THSD7A: variants seen among roughly 807,000 people sequenced by gnomAD.
THSD7A encodes thrombospondin type 1 domain containing 7A, also known as thrombospondin type-1 domain-containing protein 7A.
A neutral mutation model predicts 231.3 loss-of-function variants in THSD7A; 96 were observed. The ratio of observed to expected loss-of-function variants is 0.41; its 90% CI spans 0.35 to 0.49. The LOEUF (loss-of-function observed/expected upper bound fraction) is 0.49. Ranked by LOEUF, THSD7A falls within the 20% of genes least tolerant of loss-of-function variation. THSD7A has a pLI of 0.05. For missense variants in THSD7A, 2,290 were observed against 2,070.2 expected, an observed-to-expected ratio of 1.11 and a Z score of -2.06; for synonymous variants, 940 against 743.3, an observed-to-expected ratio of 1.26 and a Z score of -4.30.
chr7:11,579,792 T>A (rs1370125099), intron 4 of THSD7A, among the ~76,000 whole-genome samples: 1 of 152,188 alleles, frequency 6.6e-6, no homozygotes, highest in African/African-American at 2.4e-5. Flanking sequence ...ATAGTGACTT[T>A]TTCTAGTCAT....
At chr7:11,698,045 C>G (rs1780455401) in intron 1 of THSD7A, among the ~76,000 whole-genome samples, 1 of 151,336 alleles carries the variant, frequency 6.6e-6, no homozygotes, top group Non-Finnish European at 1.5e-5. Flanking sequence ...ATTATATTAG[C>G]CTTCTATAGA....
At chr7:11,812,777 T>C (rs748843496) in intron 1 of THSD7A, among the ~76,000 whole-genome samples, 76 of 152,202 alleles carry the variant, frequency 5.0e-4, no homozygotes, top group Admixed American at 2.0e-4. Context: ...TAAAGGACTT[T>C]ATAGAAAATT....
At chr7:11,597,109 A>G (rs1263911048) in intron 2 of THSD7A, among the ~76,000 whole-genome samples, 1 of 152,248 alleles carries the variant, frequency 6.6e-6, no homozygotes, top group Non-Finnish European at 1.5e-5. Flanking sequence ...TAGAAGTAGC[A>G]AACACACTAG....
At position 11,460,689 on chromosome 7, in the gene THSD7A, C is replaced by T; in HGVS notation, c.2578G>A (p.Gly860Ser). 1.2e-6 allele frequency: 2 copies of T among 1,611,842 alleles called. No individual in the cohort carries two copies. Among genetic ancestry groups the T allele is most frequent in the Non-Finnish European group, 1.7e-6 (2 of 1,179,014 alleles). Residue 860 changes from glycine (G) to serine (S), a missense_variant, in exon 11 of 28, where the codon GGC becomes AGC. Physicochemically the swap from Gly to Ser is moderately conservative, Grantham distance 56 (BLOSUM62 0). Transcript: ENST00000423059. ...CTTGCCTGTCGCCCAGGCCCACAGC[C>T]TTCCTGTGCTCCAGGGCTGTCTTGT... ...VQQDSPGAQE[G>S]CGPGRQARAI...
intron 1 of THSD7A, among the ~76,000 whole-genome samples, chr7:11,697,649 A>G (rs1780443822): frequency 6.6e-6 from 1 of 151,384 alleles, no homozygotes; most frequent in South Asian, 2.1e-4. Context: ...TTGATATTTT[A>G]TAGTTTATAA....
intron 8 of THSD7A, among the ~76,000 whole-genome samples, chr7:11,471,101 G>A (rs1205930020): frequency 6.6e-6 from 1 of 151,802 alleles, no homozygotes; most frequent in African/African-American, 2.4e-5. Context: ...CTTAACACTA[G>A]AAAAAGATGT....
chr7:11,450,958 T>C (rs1306989244), intron 11 of THSD7A, among the ~76,000 whole-genome samples: 1 of 152,040 alleles, frequency 6.6e-6, no homozygotes, highest in Non-Finnish European at 1.5e-5. Context: ...ATCCATTTAC[T>C]TCATTTATTT....
At position 11,416,797 on chromosome 7, in the gene THSD7A, T is replaced by C. The variant is rs186777810; in HGVS notation, c.3537+653A>G. 6.6e-5 allele frequency among the ~76,000 whole-genome samples: 10 copies of C among 152,280 alleles called. No homozygotes were observed. The East Asian group carries it at 1.7e-3, about 27-fold the overall frequency. ...AGCAGCCAGTTCTGTTTCAAATGAC[T>C]CTCTTCCCAGAGTCTCGTGGATGAG... is the stretch of plus-strand genomic sequence containing the variant. On this transcript the variant is annotated intron_variant, in intron 17 of 27. Coordinates refer to ENST00000423059, the MANE Select transcript of THSD7A (RefSeq NM_015204.3).
chr7:11,755,525 G>C (rs1308809039), intron 1 of THSD7A, among the ~76,000 whole-genome samples: 1 of 152,026 alleles, frequency 6.6e-6, no homozygotes, highest in Non-Finnish European at 1.5e-5. Flanking sequence ...TTCAGACCCT[G>C]AGGCAGCTCT....
At chr7:11,392,470 T>C (rs1783020181) in intron 23 of THSD7A, among the ~76,000 whole-genome samples, 1 of 152,138 alleles carries the variant, frequency 6.6e-6, no homozygotes, top group African/African-American at 2.4e-5. Context: ...GGGCAGACAC[T>C]GAGCTAGTTG....
At chr7:11,574,624 G>C (rs922260378) in intron 4 of THSD7A, among the ~76,000 whole-genome samples, 2 of 149,646 alleles carry the variant, frequency 1.3e-5, no homozygotes, top group Non-Finnish European at 3.0e-5. Flanking sequence ...TTTTAGTAGA[G>C]ATGGGATTTC....
At chr7:11,792,400 C>T (rs554611946) in intron 1 of THSD7A, among the ~76,000 whole-genome samples, 2 of 152,036 alleles carry the variant, frequency 1.3e-5, no homozygotes, top group African/African-American at 4.8e-5. Flanking sequence ...TACATGAGTC[C>T]TTAATCATCT....
At chr7:11,408,703 G>T (rs1783674068) in intron 19 of THSD7A, among the ~76,000 whole-genome samples, 1 of 152,046 alleles carries the variant, frequency 6.6e-6, no homozygotes, top group African/African-American at 2.4e-5. Flanking sequence ...TGTGTTTCAA[G>T]TATAGCTCTT....
intron 1 of THSD7A, among the ~76,000 whole-genome samples, chr7:11,773,733 TGGAGAGTGATTA>T (rs1313280709): frequency 6.6e-6 from 1 of 152,026 alleles, no homozygotes; most frequent in African/African-American, 2.4e-5. Flanking sequence ...GCTTACAATG[TGGAGAGTGATTA>T]GGAGAGTGAT....
intron 18 of THSD7A, among the ~76,000 whole-genome samples, chr7:11,412,089 T>A (rs754069257): frequency 6.6e-6 from 1 of 152,200 alleles, no homozygotes; most frequent in African/African-American, 2.4e-5. Flanking sequence ...AGATTTTCTT[T>A]CCTAGAGTAT....
intron 11 of THSD7A, among the ~76,000 whole-genome samples, chr7:11,458,339 T>C (rs1241639968): frequency 6.6e-6 from 1 of 152,088 alleles, no homozygotes; most frequent in African/African-American, 2.4e-5. Flanking sequence ...TAAAAGATAC[T>C]TCTACATTCT....
Position 11,814,886 on chromosome 7 carries a change from G to A in THSD7A, c.190+16871C>T, listed in dbSNP as rs1331956139. Among the ~76,000 whole-genome samples the A allele has an allele frequency of 2.0e-5, 3 of 152,004 alleles. No homozygotes were observed. The highest frequency in any genetic ancestry group is 4.4e-5 in the Non-Finnish European group (3 of 68,008). ...CTTCTGATCTTTGCTGCATTTCTGT[G>A]ATTATCTGTGCCAGCTCATGAGCAG... On this transcript the variant is annotated intron_variant, in intron 1 of 27. Transcript: ENST00000423059. This position sits in a 1 kb window ranked among gnomAD's most constrained non-coding sequence, Gnocchi z 5.1.
intron 11 of THSD7A, among the ~76,000 whole-genome samples, chr7:11,455,926 T>A (rs1785292892): frequency 6.6e-6 from 1 of 152,010 alleles, no homozygotes; most frequent in Non-Finnish European, 1.5e-5. Context: ...ATGCTATTAA[T>A]AGTATTAAGA....
At chr7:11,442,472 C>A (rs768128925) in intron 13 of THSD7A, among the ~76,000 whole-genome samples, 1 of 152,096 alleles carries the variant, frequency 6.6e-6, no homozygotes, top group African/African-American at 2.4e-5. Flanking sequence ...ACTGCACACA[C>A]GGGGATCAAT....
Sources: gnomAD v4.1 joint callset for allele counts (sites outside exome capture counted in the v4.1 genomes callset) on GRCh38, gnomAD v4.1.1 for gene constraint, Gnocchi (gnomAD v3.1) non-coding constraint, MANE v1.5 for transcripts, NCBI Gene and HGNC (gene_info 2026-07-23, HGNC 2026-07-21) for gene names.